The following NPAS3 variants were observed in gnomAD, a reference collection of about 807,000 sequenced individuals.
The protein encoded by NPAS3 is neuronal PAS domain-containing protein 3.
A neutral mutation model predicts 73.1 loss-of-function variants in NPAS3; 14 were observed. The observed-to-expected ratio is 0.19, with a 90% CI of 0.13 to 0.30. The LOEUF is 0.30. Ranked by LOEUF, NPAS3 falls within the 10% of genes least tolerant of loss-of-function variation. The probability of loss-of-function intolerance (pLI) is 1.00; values close to 1 mark genes in which losing one functional copy is unlikely to be tolerated. For synonymous variants in NPAS3, 620 were observed against 541.5 expected (o/e 1.14, Z -2.01); for missense variants, 1,096 against 1,250.0 (o/e 0.88, Z 1.86).
chr14:33,191,396 A>G (rs961800673), intron 2 of NPAS3, among the ~76,000 whole-genome samples: 1 of 152,204 alleles, frequency 6.6e-6, no homozygotes, highest in Non-Finnish European at 1.5e-5. Context: ...TTATTATACA[A>G]ATACAAGTAG....
intron 2 of NPAS3, among the ~76,000 whole-genome samples, chr14:33,162,892 C>A (rs532679553): frequency 6.6e-5 from 10 of 152,278 alleles, no homozygotes; most frequent in Middle Eastern, 3.4e-3. Context: ...AATTGAGCAT[C>A]GGTAGACTTT....
intron 1 of NPAS3, among the ~76,000 whole-genome samples, chr14:33,019,403 C>T (rs899617579): frequency 1.3e-5 from 2 of 152,238 alleles, no homozygotes; most frequent in South Asian, 2.1e-4. Flanking sequence ...TTTTTTTACC[C>T]GCTCATTTGT....
chr14:33,075,066 T>C (rs1400661006), intron 2 of NPAS3, among the ~76,000 whole-genome samples: 2 of 152,234 alleles, frequency 1.3e-5, no homozygotes, highest in Non-Finnish European at 2.9e-5. Flanking sequence ...TTTTATCTTT[T>C]AAATCATAAG....
intron 1 of NPAS3, among the ~76,000 whole-genome samples, chr14:33,043,153 C>T (rs1002305638): frequency 2.0e-5 from 3 of 152,116 alleles, no homozygotes; most frequent in African/African-American, 7.2e-5. Context: ...TTTGTTGGTA[C>T]AGTCTACTTT....
chr14:33,331,610 G>T (rs1329801124), intron 3 of NPAS3, among the ~76,000 whole-genome samples: 1 of 150,940 alleles, frequency 6.6e-6, no homozygotes, highest in Non-Finnish European at 1.5e-5. Flanking sequence ...CTGTTTCTGG[G>T]ACTCCTCTTT....
At chr14:33,356,667 C>T (rs2045351321) in intron 3 of NPAS3, among the ~76,000 whole-genome samples, 1 of 152,198 alleles carries the variant, frequency 6.6e-6, no homozygotes, top group Admixed American at 6.5e-5. Context: ...TGGCTCTTGT[C>T]TAAAGCAAGA....
At chr14:33,289,385 T>C (rs990603059) in intron 3 of NPAS3, among the ~76,000 whole-genome samples, 5 of 152,194 alleles carry the variant, frequency 3.3e-5, no homozygotes, top group Non-Finnish European at 2.9e-5. Context: ...TCTCCAGCCC[T>C]GCCAAAACAT....
intron 3 of NPAS3, among the ~76,000 whole-genome samples, chr14:33,311,022 T>C (rs1490059908): frequency 2.6e-5 from 4 of 152,124 alleles, no homozygotes; most frequent in Non-Finnish European, 5.9e-5. Context: ...ACGTGGTGTA[T>C]GGTTCTGCAG....
intron 9 of NPAS3, among the ~76,000 whole-genome samples, chr14:33,783,560 A>C (rs1003059743): frequency 8.4e-6 from 1 of 118,768 alleles, no homozygotes; most frequent in Non-Finnish European, 1.6e-5. Context: ...TGCAGGGATG[A>C]ATTTGTATTA....
At chr14:33,040,309 C>A (rs58953772) in intron 1 of NPAS3, among the ~76,000 whole-genome samples, 220 of 152,256 alleles carry the variant, frequency 1.4e-3, no homozygotes, top group African/African-American at 5.1e-3. Context: ...CAACTGTATA[C>A]TTAGCTGACT....
rs1001353148 is a variant in NPAS3, at chr14:33,654,899, G to A, written c.559-21312G>A. On this transcript the variant is annotated intron_variant, in intron 5 of 11. Transcript: ENST00000356141. ...ATCACCACGTGTTCCTGATTACAAA[G>A]TGTTCTAAATTGGAGGAAACTTAAA... is the stretch of plus-strand genomic sequence containing the variant. 2.6e-5 allele frequency among the ~76,000 whole-genome samples: 4 copies of A among 152,198 alleles called. No individual in the cohort carries two copies. The East Asian group carries it at 7.7e-4, about 29-fold the overall frequency.
intron 3 of NPAS3, among the ~76,000 whole-genome samples, chr14:33,337,785 C>G (rs1020176597): frequency 5.3e-5 from 8 of 152,022 alleles, no homozygotes; most frequent in African/African-American, 1.9e-4. Context: ...AGTGTACACA[C>G]AGGTCTTGTA....
In NPAS3 at chr14:33,578,289, G is replaced by A. The variant is rs1212540466; in HGVS notation, c.558+18079G>A. The A allele has an allele frequency of 1.8e-5, 8 of 452,480 alleles. No homozygotes were observed. The East Asian group carries it at 4.9e-4, about 28-fold the overall frequency. The allele number at this position is 452,480 out of a possible 1,614,324, so 28.0% of individuals were successfully genotyped here. On this transcript the variant is annotated intron_variant, in intron 5 of 11. Coordinates refer to ENST00000356141, the Ensembl canonical transcript of NPAS3. ...GCTCACCACAACCTCCACCTCCTGG[G>A]TTCAAGTGATTCTCCTGCCTCAGCC...
At chr14:33,393,430 A>G (rs972067770) in intron 4 of NPAS3, among the ~76,000 whole-genome samples, 1 of 152,148 alleles carries the variant, frequency 6.6e-6, no homozygotes, top group African/African-American at 2.4e-5. Context: ...TACTTCATGC[A>G]TGTTTCCTTG....
chr14:33,585,094 T>C (rs1043705856), intron 5 of NPAS3, among the ~76,000 whole-genome samples: 1 of 151,832 alleles, frequency 6.6e-6, no homozygotes, highest in Non-Finnish European at 1.5e-5. Flanking sequence ...CTAATAATAC[T>C]GAGGGCAGAT....
At chr14:33,429,544 G>C (rs568330563) in intron 4 of NPAS3, among the ~76,000 whole-genome samples, 1 of 152,166 alleles carries the variant, frequency 6.6e-6, no homozygotes, top group Non-Finnish European at 1.5e-5. Context: ...AGCATGTACT[G>C]AGGTGTCACC....
Position 33,800,088 on chromosome 14 carries a change from C to A in NPAS3, c.1781C>A (p.Ser594Tyr). 6.3e-7 allele frequency: 1 copy of A among 1,591,348 alleles called. No individual in the cohort carries two copies. The highest frequency in any genetic ancestry group is 8.5e-7 in the Non-Finnish European group (1 of 1,172,448). The change falls in exon 12 of 12, where the codon TCC (serine) becomes TAC (tyrosine). Residue 594 changes from serine to tyrosine, a missense_variant. Around this residue, in one of 5 missense-constraint regions of NPAS3, gnomAD observed 698 missense variants for 676.7 expected, o/e 1.03. Transcript: ENST00000356141. This position sits in a 1 kb window ranked among gnomAD's most constrained non-coding sequence, Gnocchi z 6.5. ...GCAGGCGAGGCGGGCGCGCAGGCCTCCAGCAAGCACCAGAAGCGCAAGAAA... is the reference window on the plus strand; with the variant it reads ...GCAGGCGAGGCGGGCGCGCAGGCCTACAGCAAGCACCAGAAGCGCAAGAAA...
intron 3 of NPAS3, among the ~76,000 whole-genome samples, chr14:33,337,227 A>G (rs2044268628): frequency 1.3e-5 from 2 of 152,118 alleles, no homozygotes; most frequent in Admixed American, 6.6e-5. Flanking sequence ...TAGGTCCATG[A>G]TCCATTTTGA....
At chr14:33,452,525 C>A (rs572578748) in intron 4 of NPAS3, among the ~76,000 whole-genome samples, 76 of 152,198 alleles carry the variant, frequency 5.0e-4, no homozygotes, top group Admixed American at 1.6e-3. Context: ...GTAATCCCAG[C>A]ACTTTGTGAG....
Sources: allele counts gnomAD v4.1 joint callset (sites outside exome capture counted in the v4.1 genomes callset), GRCh38; gene constraint gnomAD v4.1.1; regional missense constraint gnomAD v4.1.1; non-coding constraint Gnocchi (gnomAD v3.1); transcripts MANE v1.5; gene names NCBI Gene and HGNC (gene_info 2026-07-23, HGNC 2026-07-21).